ARL15: variants seen among roughly 807,000 people sequenced by gnomAD.
The protein encoded by ARL15 is ADP-ribosylation factor-like protein 15.
In ARL15, 19 loss-of-function variants were observed where a neutral mutation model predicts 25.2. That is an observed-to-expected ratio of 0.75 (90% CI 0.53 to 1.10). ARL15 has a LOEUF of 1.10. Ranked by LOEUF, ARL15 falls within the 50% of genes least tolerant of loss-of-function variation. The probability of loss-of-function intolerance (pLI) is 0.00; values close to 1 mark genes in which losing one functional copy is unlikely to be tolerated. For synonymous variants in ARL15, 94 were observed against 86.8 expected (o/e 1.08, Z -0.46); for missense variants, 220 against 246.0 (o/e 0.89, Z 0.71).
rs141906195 is a variant in ARL15, at chr5:54,291,677, T to C, written c.48+18755A>G. Among the ~76,000 whole-genome samples the C allele has an allele frequency of 2.0e-3, 306 of 152,294 alleles. 1 individual carries two copies. Among genetic ancestry groups the C allele is most frequent in the African/African-American group, 7.1e-3 (295 of 41,558 alleles). ...AAGCCAAGCCGCCCACATCTACTACTGGAATGTGGATGAGTCTCCTGAACA... is the reference window on the plus strand; with the variant it reads ...AAGCCAAGCCGCCCACATCTACTACCGGAATGTGGATGAGTCTCCTGAACA... On this transcript the variant is annotated intron_variant, in intron 1 of 4. Coordinates refer to ENST00000504924, the MANE Select transcript of ARL15 (RefSeq NM_019087.3).
chr5:53,994,979 C>T (rs1316111434), intron 4 of ARL15, among the ~76,000 whole-genome samples: 1 of 152,140 alleles, frequency 6.6e-6, no homozygotes, highest in Admixed American at 6.5e-5. Context: ...CTGGTCTAAA[C>T]ATCTACTTTT....
intron 1 of ARL15, among the ~76,000 whole-genome samples, chr5:54,298,899 T>C (rs1758540585): frequency 1.3e-5 from 2 of 151,042 alleles, no homozygotes; most frequent in South Asian, 4.2e-4. Flanking sequence ...TTTGGTTTTT[T>C]TTTCCTTTGC....
At chr5:54,270,512 C>T (rs1757758390) in intron 1 of ARL15, among the ~76,000 whole-genome samples, 1 of 152,230 alleles carries the variant, frequency 6.6e-6, no homozygotes, top group Non-Finnish European at 1.5e-5. Context: ...GGTTTCGACA[C>T]ACTAATTGGA....
At chr5:54,274,525 T>A (rs1222654183) in intron 1 of ARL15, among the ~76,000 whole-genome samples, 1 of 152,136 alleles carries the variant, frequency 6.6e-6, no homozygotes, top group Non-Finnish European at 1.5e-5. Flanking sequence ...AATTGTAAAT[T>A]CCCCTGCCAG....
intron 4 of ARL15, among the ~76,000 whole-genome samples, chr5:53,960,252 C>T (rs1234796797): frequency 6.6e-6 from 1 of 152,120 alleles, no homozygotes; most frequent in East Asian, 1.9e-4. Flanking sequence ...TAAACATTTC[C>T]TGGTGCATAT....
intron 4 of ARL15, among the ~76,000 whole-genome samples, chr5:53,950,263 T>C (rs1394867920): frequency 7.1e-6 from 1 of 141,470 alleles, no homozygotes. Context: ...ACCTCGTTTC[T>C]ACAAAAATTA....
rs189634869 is a variant in ARL15, at chr5:53,943,679, G to A, written c.463-56966C>T. Among the ~76,000 whole-genome samples the A allele has an allele frequency of 4.1e-3, 625 of 152,288 alleles. 2 individuals carry two copies. The highest frequency in any genetic ancestry group is 6.4e-3 in the Non-Finnish European group (436 of 68,030). Reference sequence around the variant, plus strand: ...GGCCAAGTCTGGTTGAGAATGGCCTGAGTGGGTGGCTGAGATAGAGTGAAA... The same window carrying A: ...GGCCAAGTCTGGTTGAGAATGGCCTAAGTGGGTGGCTGAGATAGAGTGAAA... On this transcript the variant is annotated intron_variant, in intron 4 of 4. Coordinates refer to ENST00000504924, the MANE Select transcript of ARL15 (RefSeq NM_019087.3).
chr5:54,095,815 CAT>C (rs1752267956), intron 4 of ARL15, among the ~76,000 whole-genome samples: 2 of 148,526 alleles, frequency 1.3e-5, no homozygotes, highest in Middle Eastern at 3.4e-3. Flanking sequence ...TAGCAAAAAA[CAT>C]AAAAAAAACA....
At chr5:54,079,276 A>G (rs1751714363) in intron 4 of ARL15, among the ~76,000 whole-genome samples, 1 of 152,220 alleles carries the variant, frequency 6.6e-6, no homozygotes, top group Non-Finnish European at 1.5e-5. Flanking sequence ...TACTCAAAGC[A>G]TCCAGTTGTT....
intron 4 of ARL15, among the ~76,000 whole-genome samples, chr5:53,940,654 A>G (rs1202751863): frequency 6.6e-6 from 1 of 152,186 alleles, no homozygotes; most frequent in African/African-American, 2.4e-5. Context: ...GCTTAAACAG[A>G]GAACAATTAT....
chr5:54,052,857 T>G (rs1471468398), intron 4 of ARL15, among the ~76,000 whole-genome samples: 1 of 152,084 alleles, frequency 6.6e-6, no homozygotes, highest in Non-Finnish European at 1.5e-5. Flanking sequence ...GATTCCATTT[T>G]CCAATGACCA....
intron 4 of ARL15, among the ~76,000 whole-genome samples, chr5:53,900,041 T>C (rs1745015264): frequency 6.6e-6 from 1 of 152,172 alleles, no homozygotes; most frequent in Non-Finnish European, 1.5e-5. Flanking sequence ...AAATTATCAG[T>C]AACTGAAGAG....
chr5:54,077,178 G>C (rs1339755796), intron 4 of ARL15, among the ~76,000 whole-genome samples: 1 of 152,120 alleles, frequency 6.6e-6, no homozygotes, highest in Non-Finnish European at 1.5e-5. Context: ...TGGCTGGAAT[G>C]CAACAGGATG....
At chr5:54,147,613 G>A (rs1753948633) in intron 3 of ARL15, among the ~76,000 whole-genome samples, 1 of 152,156 alleles carries the variant, frequency 6.6e-6, no homozygotes, top group Admixed American at 6.5e-5. Flanking sequence ...TATGGACATG[G>A]TCTTCCTTGA....
At chr5:54,140,455 GAT>G (rs1753740489) in intron 3 of ARL15, among the ~76,000 whole-genome samples, 2 of 138,122 alleles carry the variant, frequency 1.4e-5, no homozygotes, top group Admixed American at 1.6e-4. Flanking sequence ...TAGATAGATA[GAT>G]AGATAGATAG....
In ARL15 at chr5:54,067,837, C is replaced by T. The variant is rs543820407; in HGVS notation, c.462+45365G>A. Among the ~76,000 whole-genome samples, 25 of 152,280 alleles carry T rather than the reference C, an allele frequency of 1.6e-4. No homozygotes were observed. In the South Asian group the frequency reaches 5.2e-3, roughly 32 times the overall value. On this transcript the variant is annotated intron_variant, in intron 4 of 4. Transcript: ENST00000504924. Reference sequence around the variant, plus strand: ...TGTGCCAAATCTCTTGACAAGAAGTCATATTTCAGTTCCCTTTCTCCTAAG... The same window carrying T: ...TGTGCCAAATCTCTTGACAAGAAGTTATATTTCAGTTCCCTTTCTCCTAAG...
chr5:54,101,049 T>C (rs1262400210), intron 4 of ARL15, among the ~76,000 whole-genome samples: 1 of 152,066 alleles, frequency 6.6e-6, no homozygotes, highest in African/African-American at 2.4e-5. Flanking sequence ...GAACCTTAGT[T>C]AGTCATACAA....
intron 4 of ARL15, among the ~76,000 whole-genome samples, chr5:53,983,055 C>A (rs532887144): frequency 6.6e-6 from 1 of 152,114 alleles, no homozygotes; most frequent in South Asian, 2.1e-4. Flanking sequence ...GTAAACTGCA[C>A]CCAGCGGTTT....
At chr5:54,274,720 A>C (rs1251514549) in intron 1 of ARL15, among the ~76,000 whole-genome samples, 1 of 152,110 alleles carries the variant, frequency 6.6e-6, no homozygotes, top group Non-Finnish European at 1.5e-5. Flanking sequence ...AACATGGTGA[A>C]ACCCCGACTC....
Sources: gnomAD v4.1 joint callset for allele counts (sites outside exome capture counted in the v4.1 genomes callset) on GRCh38, gnomAD v4.1.1 for gene constraint, MANE v1.5 for transcripts, NCBI Gene and HGNC (gene_info 2026-07-23, HGNC 2026-07-21) for gene names.